Variants in KCNH5 observed in about 807,000 individuals in gnomAD.
KCNH5 encodes potassium voltage-gated channel subfamily H member 5.
KCNH5 carries 46 observed loss-of-function variants against 96.1 expected under a neutral mutation model. That is an observed-to-expected ratio of 0.48 (90% CI 0.38 to 0.61). The LOEUF is 0.61. KCNH5 is among the 20% of genes least tolerant of loss of function. The pLI, the probability that KCNH5 is intolerant of heterozygous loss-of-function variation, is 0.00. For synonymous variants in KCNH5, 439 were observed against 449.8 expected, an observed-to-expected ratio of 0.98 and a Z score of 0.30; for missense variants, 907 against 1,225.8, an observed-to-expected ratio of 0.74 and a Z score of 3.88.
intron 6 of KCNH5, among the ~76,000 whole-genome samples, chr14:62,952,655 C>A (rs1017687851): frequency 2.0e-5 from 3 of 152,128 alleles, no homozygotes; most frequent in East Asian, 1.9e-4. Context: ...TACCTGAATT[C>A]TTTTCTCTGA....
intron 10 of KCNH5, among the ~76,000 whole-genome samples, chr14:62,760,783 A>C (rs1262339326): frequency 2.6e-5 from 4 of 152,242 alleles, no homozygotes; most frequent in African/African-American, 9.6e-5. Context: ...ACCTGACTGG[A>C]AGGCAAAATC....
At chr14:63,018,413 T>C (rs912195053) in intron 1 of KCNH5, among the ~76,000 whole-genome samples, 1 of 151,824 alleles carries the variant, frequency 6.6e-6, no homozygotes, top group East Asian at 1.9e-4. Context: ...TGGGCAGGCA[T>C]AGGGTGAGAC....
chr14:62,838,365 G>A (rs184119399), intron 8 of KCNH5, among the ~76,000 whole-genome samples: 16 of 152,198 alleles, frequency 1.1e-4, no homozygotes, highest in Non-Finnish European at 2.1e-4. Flanking sequence ...CTGGTTTCTA[G>A]GAGTGGAATC....
chr14:62,952,719 C>T (rs1410383733), intron 6 of KCNH5, among the ~76,000 whole-genome samples: 2 of 152,052 alleles, frequency 1.3e-5, no homozygotes, highest in African/African-American at 4.8e-5. Context: ...TCACCCCATT[C>T]AAACTAAGAA....
chr14:62,993,345 T>TAA (rs1185638780), intron 4 of KCNH5, among the ~76,000 whole-genome samples: 2 of 152,032 alleles, frequency 1.3e-5, no homozygotes, highest in East Asian at 3.8e-4. Flanking sequence ...TCTAATTCTG[T>TAA]AAAAAATGAC....
At chr14:62,845,828 G>T (rs563825505) in intron 8 of KCNH5, among the ~76,000 whole-genome samples, 1 of 152,294 alleles carries the variant, frequency 6.6e-6, no homozygotes, top group African/African-American at 2.4e-5. Context: ...GCAGTTGGAG[G>T]GGAGAGTCTA....
At chr14:62,732,373 C>G (rs1885068612) in intron 10 of KCNH5, among the ~76,000 whole-genome samples, 1 of 152,072 alleles carries the variant, frequency 6.6e-6, no homozygotes, top group Non-Finnish European at 1.5e-5. Context: ...TTGTCTGAAT[C>G]TGTCAAGACT....
chr14:62,852,803 A>G (rs931137334), intron 7 of KCNH5, among the ~76,000 whole-genome samples: 1 of 152,220 alleles, frequency 6.6e-6, no homozygotes, highest in Non-Finnish European at 1.5e-5. Context: ...TACTCCAGCA[A>G]GCAACAACAG....
rs1891905609 is a variant in KCNH5 at position 63,045,366 on chromosome 14, G to C, written c.-180C>G. 1 of 625,988 alleles carries C rather than the reference G, an allele frequency of 1.6e-6. No individual in the cohort carries two copies. Among genetic ancestry groups the C allele is most frequent in the South Asian group, 1.8e-5 (1 of 55,884 alleles). 38.8% of individuals were successfully genotyped at this position (625,988 alleles called of 1,614,324 possible). A position where few individuals can be genotyped will look rare whatever the true frequency, so the allele number is the denominator to read the frequency against. ...CAGCCCGACCCGGATGAGCAGCTCT[G>C]GGGAGGAGGACCAGGCAGTTCATGG... On this transcript the variant is annotated 5_prime_UTR_variant, in exon 1 of 11. Transcript: ENST00000322893.
intron 10 of KCNH5, among the ~76,000 whole-genome samples, chr14:62,720,073 A>G (rs1884773107): frequency 6.6e-6 from 1 of 152,212 alleles, no homozygotes; most frequent in Admixed American, 6.5e-5. Context: ...AGAGTGGTTG[A>G]GTATCTATGG....
intron 7 of KCNH5, among the ~76,000 whole-genome samples, chr14:62,929,758 G>C (rs190451564): frequency 2.7e-4 from 41 of 152,064 alleles, no homozygotes; most frequent in African/African-American, 9.4e-4. Context: ...TACCCAGGTA[G>C]TGAGCATAGT....
chr14:63,025,566 A>G (rs1299604705), intron 1 of KCNH5, among the ~76,000 whole-genome samples: 2 of 151,810 alleles, frequency 1.3e-5, no homozygotes, highest in Non-Finnish European at 1.5e-5. Context: ...CAGTTCTATA[A>G]CAACAAGCTA....
intron 10 of KCNH5, among the ~76,000 whole-genome samples, chr14:62,772,963 C>T (rs1424157448): frequency 6.6e-6 from 1 of 152,168 alleles, no homozygotes; most frequent in Admixed American, 6.5e-5. Flanking sequence ...TTTGTTTTGG[C>T]TTCACTATTA....
intron 1 of KCNH5, among the ~76,000 whole-genome samples, chr14:63,035,738 C>T (rs1358196816): frequency 6.6e-6 from 1 of 152,156 alleles, no homozygotes; most frequent in African/African-American, 2.4e-5. Flanking sequence ...AGCTCAGATC[C>T]ACCAGTTTCT....
At chr14:62,873,954 T>A (rs1888315984) in intron 7 of KCNH5, among the ~76,000 whole-genome samples, 1 of 152,182 alleles carries the variant, frequency 6.6e-6, no homozygotes, top group South Asian at 2.1e-4. Flanking sequence ...CATCATATTT[T>A]CGGGGTCTCA....
At chr14:62,832,459 A>G (rs779183049) in intron 8 of KCNH5, among the ~76,000 whole-genome samples, 6 of 152,134 alleles carry the variant, frequency 3.9e-5, no homozygotes, top group Non-Finnish European at 8.8e-5. Flanking sequence ...CTATAGATGA[A>G]TTATATATCG....
rs67304113 is a variant in KCNH5, at chr14:62,709,232, CAAAAAAAA to C, written c.2020-785_2020-778del. Among the ~76,000 whole-genome samples, 131 of 71,580 alleles carry C rather than the reference CAAAAAAAA, an allele frequency of 1.8e-3. 1 individual carries two copies. Among genetic ancestry groups the C allele is most frequent in the Non-Finnish European group, 2.8e-3 (108 of 38,952 alleles). 47.0% of individuals were successfully genotyped at this position (71,580 alleles called of 152,430 possible). ...TGGGCGACAGAACGAGACTCCTTCT[CAAAAAAAA>C]AAAAAAAAAAAAAAAAAAATTATCC... is the stretch of plus-strand genomic sequence containing the variant. On this transcript the variant is annotated intron_variant, in intron 10 of 10. Coordinates refer to ENST00000322893, the MANE Select transcript of KCNH5 (RefSeq NM_139318.5).
chr14:62,906,693 T>C (rs1468036157), intron 7 of KCNH5, among the ~76,000 whole-genome samples: 1 of 152,218 alleles, frequency 6.6e-6, no homozygotes, highest in Non-Finnish European at 1.5e-5. Context: ...GTAAGGGTTA[T>C]ATTGTTTACT....
chr14:62,738,982 G>T (rs1209263272), intron 10 of KCNH5, among the ~76,000 whole-genome samples: 1 of 152,246 alleles, frequency 6.6e-6, no homozygotes, highest in Admixed American at 6.5e-5. Context: ...GGCAGAGAAA[G>T]GGGGAGGATG....
Sources: gnomAD v4.1 joint callset for allele counts (sites outside exome capture counted in the v4.1 genomes callset) on GRCh38, gnomAD v4.1.1 for gene constraint, MANE v1.5 for transcripts, NCBI Gene and HGNC (gene_info 2026-07-23, HGNC 2026-07-21) for gene names.